RFX3: variants seen among roughly 807,000 people sequenced by gnomAD.
RFX3 encodes transcription factor RFX3.
In RFX3, 14 loss-of-function variants were observed where a neutral mutation model predicts 98.6. The observed-to-expected ratio is 0.14, with a 90% CI of 0.09 to 0.22. The LOEUF is 0.22. Ranked by LOEUF, RFX3 falls within the 10% of genes least tolerant of loss-of-function variation. RFX3 has a pLI of 1.00. For synonymous variants in RFX3, 383 were observed against 328.4 expected (o/e 1.17, Z -1.80); for missense variants, 639 against 926.9 (o/e 0.69, Z 4.03).
At chr9:3,446,651 T>C (rs969157200) in intron 1 of RFX3, among the ~76,000 whole-genome samples, 6 of 152,034 alleles carry the variant, frequency 3.9e-5, no homozygotes, top group Admixed American at 3.9e-4. Context: ...TTCAGACTCC[T>C]TTCCTTCTCA....
chr9:3,284,405 G>A (rs1050347337), intron 7 of RFX3, among the ~76,000 whole-genome samples: 10 of 151,442 alleles, frequency 6.6e-5, no homozygotes, highest in Admixed American at 2.6e-4. Flanking sequence ...AGTGCATTTC[G>A]TCAAAAACTG....
At chr9:3,436,979 C>T (rs1845185522) in intron 1 of RFX3, among the ~76,000 whole-genome samples, 1 of 151,952 alleles carries the variant, frequency 6.6e-6, no homozygotes, top group Non-Finnish European at 1.5e-5. Context: ...GAGTAATCCA[C>T]GTTTTTGTTA....
At chr9:3,301,387 T>C (rs1227786304) in intron 5 of RFX3, among the ~76,000 whole-genome samples, 159 bp downstream of exon 5, 2 of 151,764 alleles carry the variant, frequency 1.3e-5, no homozygotes, top group Non-Finnish European at 2.9e-5. Context: ...TATTTCACTG[T>C]ACAAAATAGC....
intron 2 of RFX3, among the ~76,000 whole-genome samples, chr9:3,349,457 T>C (rs894974479): frequency 1.3e-5 from 2 of 152,104 alleles, no homozygotes; most frequent in African/African-American, 4.8e-5. Flanking sequence ...TTAATTTTGA[T>C]TTAATTTTGT....
intron 1 of RFX3, among the ~76,000 whole-genome samples, chr9:3,443,528 C>T (rs999577940): frequency 2.6e-5 from 4 of 152,162 alleles, no homozygotes; most frequent in Non-Finnish European, 5.9e-5. Flanking sequence ...CTGTAAAGGA[C>T]ATGATCTCAT....
intron 4 of RFX3, among the ~76,000 whole-genome samples, chr9:3,303,878 G>A (rs2130173940): frequency 6.6e-6 from 1 of 152,110 alleles, no homozygotes; most frequent in South Asian, 2.1e-4. Context: ...CAGAATTTCG[G>A]TTCTTCTTTG....
intron 1 of RFX3, among the ~76,000 whole-genome samples, chr9:3,403,791 A>G (rs1263847288): frequency 6.6e-6 from 1 of 152,196 alleles, no homozygotes; most frequent in Admixed American, 6.5e-5. Context: ...AGCATTATTT[A>G]CAGAGCCACA....
chr9:3,319,911 T>C (rs527412051), intron 4 of RFX3, among the ~76,000 whole-genome samples: 1 of 152,226 alleles, frequency 6.6e-6, no homozygotes, highest in South Asian at 2.1e-4. Flanking sequence ...ACATCAACTT[T>C]CATTCCAAAA....
At chr9:3,284,701 G>C (rs1199654130) in intron 7 of RFX3, among the ~76,000 whole-genome samples, 1 of 151,692 alleles carries the variant, frequency 6.6e-6, no homozygotes, top group East Asian at 1.9e-4. Flanking sequence ...TTAAACAGAA[G>C]ACCCTGTCTA....
intron 4 of RFX3, among the ~76,000 whole-genome samples, chr9:3,329,903 C>T (rs1212110736): frequency 6.6e-6 from 1 of 152,036 alleles, no homozygotes; most frequent in African/African-American, 2.4e-5. Context: ...TGTATTACTG[C>T]CTGGCTTTTA....
At chr9:3,325,180 A>C (rs985394795) in intron 4 of RFX3, among the ~76,000 whole-genome samples, 3 of 152,202 alleles carry the variant, frequency 2.0e-5, no homozygotes, top group African/African-American at 7.2e-5. Context: ...CAAAAGAATA[A>C]GAAGGTAAAA....
intron 1 of RFX3, among the ~76,000 whole-genome samples, chr9:3,481,120 T>C (rs1056320342): frequency 5.3e-5 from 8 of 152,196 alleles, no homozygotes; most frequent in Admixed American, 2.6e-4. Context: ...GGATAATCTA[T>C]AACCCTTACA....
In RFX3 at chr9:3,435,989, T is replaced by C. The variant is rs570446766; in HGVS notation, c.-8-40393A>G. On this transcript the variant is annotated intron_variant, in intron 1 of 16. Coordinates refer to ENST00000617270, the MANE Select transcript of RFX3 (RefSeq NM_001282116.2). The stretch of plus-strand genomic sequence containing the variant: ...TTCAGGACTGGGACTGACACTCTGG[T>C]GTCTCTATGCTGGTCACTTTAACTG... 5.9e-5 allele frequency among the ~76,000 whole-genome samples: 9 copies of C among 152,102 alleles called. 1 individual carries two copies. In the East Asian group the frequency reaches 1.7e-3, roughly 29 times the overall value.
chr9:3,256,180 G>A (rs1246332236), intron 14 of RFX3, among the ~76,000 whole-genome samples: 2 of 151,874 alleles, frequency 1.3e-5, no homozygotes, highest in East Asian at 1.9e-4. Context: ...CCGTGTTAGC[G>A]AGGATGGTCT....
chr9:3,244,591 C>T (rs72697094), intron 15 of RFX3, among the ~76,000 whole-genome samples: 12,831 of 152,214 alleles, frequency 0.084, 741 homozygotes, highest in African/African-American at 0.16. Context: ...GGCCTGTGCA[C>T]ATTCCCCTGT....
At chr9:3,507,562 G>A (rs1472521967) in intron 1 of RFX3, among the ~76,000 whole-genome samples, 1 of 151,856 alleles carries the variant, frequency 6.6e-6, no homozygotes, top group African/African-American at 2.4e-5. Context: ...TGAAGTTCAT[G>A]CTCTTAACCA....
At chr9:3,468,531 G>C (rs1016402615) in intron 1 of RFX3, among the ~76,000 whole-genome samples, 4 of 152,090 alleles carry the variant, frequency 2.6e-5, no homozygotes, top group African/African-American at 9.7e-5. Context: ...CTTTTGCCAC[G>C]CAAATATGTG....
chr9:3,273,487 G>C (rs899990384), intron 9 of RFX3, among the ~76,000 whole-genome samples: 3 of 152,152 alleles, frequency 2.0e-5, no homozygotes, highest in African/African-American at 7.2e-5. Context: ...TTGTCACTTA[G>C]AATAATCTTA....
At chr9:3,276,804 G>C (rs748347097) in intron 8 of RFX3, among the ~76,000 whole-genome samples, 2 of 151,766 alleles carry the variant, frequency 1.3e-5, no homozygotes, top group Non-Finnish European at 2.9e-5. Context: ...TGCCCCTTTG[G>C]CTATGGCAAA....
Sources: allele counts gnomAD v4.1 joint callset (sites outside exome capture counted in the v4.1 genomes callset), GRCh38; gene constraint gnomAD v4.1.1; transcripts MANE v1.5; gene names NCBI Gene and HGNC (gene_info 2026-07-23, HGNC 2026-07-21).